Variants in GRM8 observed in about 807,000 individuals in gnomAD.
GRM8 encodes the protein glutamate metabotropic receptor 8.
Under a neutral mutation model 87.2 loss-of-function variants are expected in GRM8, and 47 were observed. The ratio of observed to expected loss-of-function variants is 0.54; its 90% confidence interval spans 0.43 to 0.69. The LOEUF is 0.69. GRM8 is among the 30% of genes least tolerant of loss of function. The probability of loss-of-function intolerance (pLI) is 0.00; values close to 1 mark genes in which losing one functional copy is unlikely to be tolerated. For synonymous variants in GRM8, 396 were observed against 404.5 expected (o/e 0.98, Z 0.25); for missense variants, 1,019 against 1,139.2 (o/e 0.89, Z 1.52).
intron 1 of GRM8, among the ~76,000 whole-genome samples, chr7:127,248,661 T>G (rs897533328): frequency 6.6e-6 from 1 of 152,212 alleles, no homozygotes; most frequent in African/African-American, 2.4e-5. Flanking sequence ...CAAAGTACTT[T>G]ATAAACTGCC....
intron 9 of GRM8, among the ~76,000 whole-genome samples, chr7:126,476,633 G>A (rs1280839994): frequency 2.0e-5 from 3 of 152,058 alleles, no homozygotes; most frequent in Non-Finnish European, 2.9e-5. Flanking sequence ...ACCAATAGGT[G>A]TATGAAAAGA....
At chr7:126,597,847 T>C (rs1797357646) in intron 8 of GRM8, among the ~76,000 whole-genome samples, 1 of 152,126 alleles carries the variant, frequency 6.6e-6, no homozygotes, top group Non-Finnish European at 1.5e-5. Context: ...TTTTGATACA[T>C]GCACACAATA....
intron 6 of GRM8, among the ~76,000 whole-genome samples, chr7:126,854,277 A>G (rs1253324965): frequency 1.3e-5 from 2 of 152,204 alleles, no homozygotes; most frequent in Non-Finnish European, 2.9e-5. Flanking sequence ...CATTTAGATT[A>G]CATCAACCTA....
intron 7 of GRM8, among the ~76,000 whole-genome samples, chr7:126,670,935 A>G (rs1324942762): frequency 1.3e-5 from 2 of 152,180 alleles, no homozygotes; most frequent in African/African-American, 4.8e-5. Flanking sequence ...TAGAATTTGG[A>G]AACTATCTGT....
At chr7:126,521,329 T>G (rs1038115366) in intron 9 of GRM8, among the ~76,000 whole-genome samples, 5 of 152,184 alleles carry the variant, frequency 3.3e-5, no homozygotes, top group South Asian at 2.1e-4. Context: ...ACAAATAACA[T>G]AGAGAGTCTA....
At chr7:126,759,447 G>T (rs1028337680) in intron 7 of GRM8, among the ~76,000 whole-genome samples, 1 of 151,898 alleles carries the variant, frequency 6.6e-6, no homozygotes, top group African/African-American at 2.4e-5. Flanking sequence ...ATGAAAGAAT[G>T]AACCCCACCT....
At chr7:126,715,446 G>A (rs1811621538) in intron 7 of GRM8, among the ~76,000 whole-genome samples, 1 of 152,190 alleles carries the variant, frequency 6.6e-6, no homozygotes, top group Admixed American at 6.5e-5. Flanking sequence ...TGGTCTGAAA[G>A]TGTGTAAGTT....
intron 7 of GRM8, among the ~76,000 whole-genome samples, chr7:126,633,611 A>T (rs1326818615): frequency 2.0e-5 from 3 of 152,168 alleles, no homozygotes; most frequent in African/African-American, 7.2e-5. Flanking sequence ...TATATCATTT[A>T]ATCTTAAATG....
intron 9 of GRM8, among the ~76,000 whole-genome samples, chr7:126,530,068 C>T (rs1031292730): frequency 6.6e-6 from 1 of 152,168 alleles, no homozygotes; most frequent in Non-Finnish European, 1.5e-5. Flanking sequence ...AATGATATAT[C>T]ATTGAATAAA....
At chr7:126,692,999 C>T (rs1808986866) in intron 7 of GRM8, among the ~76,000 whole-genome samples, 1 of 152,144 alleles carries the variant, frequency 6.6e-6, no homozygotes, top group Admixed American at 6.5e-5. Flanking sequence ...ATGGTGTTGC[C>T]TTCACCCCAC....
chr7:126,752,176 T>C (rs1238076904), intron 7 of GRM8, among the ~76,000 whole-genome samples: 1 of 152,088 alleles, frequency 6.6e-6, no homozygotes, highest in Non-Finnish European at 1.5e-5. Context: ...TGTGCCTGTA[T>C]TCTCAGTTAC....
chr7:127,117,778 T>C (rs2133162756), intron 2 of GRM8, among the ~76,000 whole-genome samples: 1 of 152,344 alleles, frequency 6.6e-6, no homozygotes, highest in South Asian at 2.1e-4. Context: ...GCTGATTTCC[T>C]TACTGTGCAA....
chr7:126,457,625 G>A (rs1803404164), intron 9 of GRM8, among the ~76,000 whole-genome samples: 2 of 151,068 alleles, frequency 1.3e-5, no homozygotes, highest in African/African-American at 4.8e-5. Context: ...GAAAAACAAT[G>A]GAAATTAGCA....
At position 126,448,648 on chromosome 7, in the gene GRM8, T is replaced by C. The variant is rs993769291; in HGVS notation, c.2431-2276A>G. On this transcript the variant is annotated intron_variant, in intron 9 of 10. Coordinates refer to ENST00000339582, the MANE Select transcript of GRM8 (RefSeq NM_000845.3). ...CATGGTTAGTGTAGCAAGCTCTTCA[T>C]TGGACGCTATACTTTCAAATTATAC... is the stretch of plus-strand genomic sequence containing the variant. Among the ~76,000 whole-genome samples the C allele has an allele frequency of 5.9e-5, 9 of 152,066 alleles. No homozygotes were observed. The East Asian group carries it at 1.6e-3, about 26-fold the overall frequency.
chr7:127,062,183 G>A (rs1384032969), intron 3 of GRM8, among the ~76,000 whole-genome samples: 2 of 151,506 alleles, frequency 1.3e-5, no homozygotes, highest in African/African-American at 4.8e-5. Context: ...AAAAGAAGAC[G>A]AAAGGCTAAT....
intron 6 of GRM8, among the ~76,000 whole-genome samples, chr7:126,781,036 T>C (rs980411872): frequency 1.3e-5 from 2 of 152,156 alleles, no homozygotes; most frequent in African/African-American, 2.4e-5. Flanking sequence ...ATGGGCACCA[T>C]AGCAAAGAGT....
intron 7 of GRM8, among the ~76,000 whole-genome samples, chr7:126,694,492 T>C (rs1809166409): frequency 6.6e-6 from 1 of 152,212 alleles, no homozygotes; most frequent in South Asian, 2.1e-4. Context: ...AGCTATTATC[T>C]ATATTTATAG....
chr7:126,526,363 C>T (rs1813831749), intron 9 of GRM8, among the ~76,000 whole-genome samples: 1 of 151,888 alleles, frequency 6.6e-6, no homozygotes, highest in African/African-American at 2.4e-5. Context: ...AAATCTAGTA[C>T]CTCAGGATTT....
At chr7:126,466,442 T>A (rs2150536537) in intron 9 of GRM8, among the ~76,000 whole-genome samples, 1 of 152,090 alleles carries the variant, frequency 6.6e-6, no homozygotes, top group East Asian at 1.9e-4. Flanking sequence ...TGATTCTGTA[T>A]AATGTCCATA....
Sources: allele counts gnomAD v4.1 joint callset (sites outside exome capture counted in the v4.1 genomes callset), GRCh38; gene constraint gnomAD v4.1.1; transcripts MANE v1.5; gene names NCBI Gene and HGNC (gene_info 2026-07-23, HGNC 2026-07-21).